The following ZNF438 variants were observed in gnomAD, a reference collection of about 807,000 sequenced individuals.
ZNF438 encodes zinc finger protein 438.
Under a neutral mutation model 38.0 loss-of-function variants are expected in ZNF438, and 25 were observed. The observed-to-expected ratio is 0.66, with a 90% CI of 0.48 to 0.92. ZNF438 has a LOEUF of 0.92. ZNF438 is among the 40% of genes least tolerant of loss of function. The pLI, the probability that ZNF438 is intolerant of heterozygous loss-of-function variation, is 0.00. For missense variants in ZNF438, 1,007 were observed against 999.6 expected, an observed-to-expected ratio of 1.01 and a Z score of -0.10; for synonymous variants, 372 against 364.1, an observed-to-expected ratio of 1.02 and a Z score of -0.25.
chr10:30,953,735 A>C (rs1290395300), intron 1 of ZNF438, among the ~76,000 whole-genome samples: 1 of 152,116 alleles, frequency 6.6e-6, no homozygotes, highest in African/African-American at 2.4e-5. Context: ...GAAGTGACTT[A>C]AGAAGACTGT....
chr10:31,005,354 T>G (rs1287225986), intron 1 of ZNF438, among the ~76,000 whole-genome samples: 1 of 152,162 alleles, frequency 6.6e-6, no homozygotes, highest in Non-Finnish European at 1.5e-5. Flanking sequence ...TGCCATTTGC[T>G]ACCACATGGA....
chr10:30,867,465 T>C (rs1454964484), intron 4 of ZNF438, among the ~76,000 whole-genome samples: 1 of 152,204 alleles, frequency 6.6e-6, no homozygotes, highest in Non-Finnish European at 1.5e-5. Context: ...GACATAAATA[T>C]TTCAATATTT....
intron 1 of ZNF438, among the ~76,000 whole-genome samples, chr10:30,970,927 T>C (rs999958611): frequency 2.6e-5 from 4 of 152,162 alleles, no homozygotes; most frequent in Admixed American, 6.6e-5. Flanking sequence ...TTCCTAAAAG[T>C]TGAGCAAGAA....
intron 1 of ZNF438, among the ~76,000 whole-genome samples, chr10:31,012,090 C>CA (rs1163703656): frequency 1.1e-4 from 16 of 151,812 alleles, no homozygotes; most frequent in Admixed American, 3.3e-4. Flanking sequence ...GGTCACTTCT[C>CA]AGAGTCTCTT....
chr10:30,880,669 T>A (rs762651173), intron 3 of ZNF438, among the ~76,000 whole-genome samples: 1 of 152,046 alleles, frequency 6.6e-6, no homozygotes, highest in African/African-American at 2.4e-5. Context: ...TATCTAGATA[T>A]CAAAACCAGA....
intron 1 of ZNF438, among the ~76,000 whole-genome samples, chr10:31,006,767 T>C (rs1416498109): frequency 6.6e-4 from 3 of 4,560 alleles, no homozygotes; most frequent in Non-Finnish European, 1.2e-3. Flanking sequence ...CTTGGTGTGG[T>C]TGGCGGGGGG....
intron 1 of ZNF438, among the ~76,000 whole-genome samples, chr10:30,975,359 T>TA (rs1378586654): frequency 6.6e-6 from 1 of 152,200 alleles, no homozygotes; most frequent in Non-Finnish European, 1.5e-5. Context: ...AAAACAGTCT[T>TA]AGAGACTCGA....
intron 2 of ZNF438, among the ~76,000 whole-genome samples, chr10:30,924,328 G>A (rs760860106): frequency 7.9e-5 from 12 of 152,150 alleles, no homozygotes; most frequent in African/African-American, 1.4e-4. Context: ...CTCCCTGACC[G>A]ACTAAAACTA....
chr10:30,939,676 G>C (rs1222158726), intron 2 of ZNF438, among the ~76,000 whole-genome samples: 1 of 152,216 alleles, frequency 6.6e-6, no homozygotes, highest in East Asian at 1.9e-4. Flanking sequence ...TGAAAACCAA[G>C]AAGCTTCTGA....
chr10:30,956,918 C>T (rs2048926235), intron 1 of ZNF438, among the ~76,000 whole-genome samples: 1 of 152,092 alleles, frequency 6.6e-6, no homozygotes, highest in South Asian at 2.1e-4. Flanking sequence ...TACAGTGAAA[C>T]TGTTAGATCA....
At chr10:30,953,584 TATGTA>T (rs1257415423) in intron 1 of ZNF438, among the ~76,000 whole-genome samples, 1 of 151,386 alleles carries the variant, frequency 6.6e-6, no homozygotes, top group East Asian at 1.9e-4. Flanking sequence ...CAATTATACA[TATGTA>T]ACTAACCTGC....
At chr10:30,870,477 T>C (rs986824810) in intron 4 of ZNF438, among the ~76,000 whole-genome samples, 3 of 152,200 alleles carry the variant, frequency 2.0e-5, no homozygotes, top group Admixed American at 2.0e-4. Flanking sequence ...TTTTACTGTT[T>C]ACTTACGGTC....
intron 5 of ZNF438, among the ~76,000 whole-genome samples, chr10:30,845,833 C>T (rs1013786192): frequency 3.9e-5 from 6 of 152,140 alleles, no homozygotes; most frequent in Admixed American, 6.5e-5. Context: ...CTGTCCCAGG[C>T]GAGCTAACTC....
chr10:30,967,235 T>C (rs1383457459), intron 1 of ZNF438, among the ~76,000 whole-genome samples: 1 of 152,202 alleles, frequency 6.6e-6, no homozygotes, highest in African/African-American at 2.4e-5. Context: ...AAAATTTATA[T>C]ACTTTAAATT....
intron 4 of ZNF438, among the ~76,000 whole-genome samples, chr10:30,869,355 C>G (rs1443972659): frequency 6.6e-6 from 1 of 150,892 alleles, no homozygotes; most frequent in Non-Finnish European, 1.5e-5. Context: ...GCCTGGACAA[C>G]AAGAGCTAAA....
chr10:30,998,705 T>G (rs2054328979), intron 1 of ZNF438, among the ~76,000 whole-genome samples: 1 of 152,160 alleles, frequency 6.6e-6, no homozygotes, highest in Non-Finnish European at 1.5e-5. Context: ...ACCTTCTGCA[T>G]TCTATTTGAC....
chr10:30,873,102 G>A (rs1427511701), intron 4 of ZNF438, among the ~76,000 whole-genome samples: 1 of 152,086 alleles, frequency 6.6e-6, no homozygotes, highest in Non-Finnish European at 1.5e-5. Flanking sequence ...GCCTTATTAT[G>A]TTGTTTTCAT....
intron 1 of ZNF438, among the ~76,000 whole-genome samples, chr10:30,985,200 C>T (rs1267746382): frequency 6.6e-6 from 1 of 152,100 alleles, no homozygotes; most frequent in Non-Finnish European, 1.5e-5. Context: ...TAGGCAGGAG[C>T]AGGTAGGGAC....
chr10:30,956,549 T>G lies in ZNF438; in HGVS notation c.-191-14898A>C, dbSNP rs182137343. On this transcript the variant is annotated intron_variant, in intron 1 of 5. Transcript: ENST00000413025. The stretch of plus-strand genomic sequence containing the variant: ...GTAGGTTTGCACTTGTTGACCAACC[T>G]CTCTTCATCTCTCCTATCTCTTCCC... Among the ~76,000 whole-genome samples the G allele has an allele frequency of 2.4e-4, 37 of 152,282 alleles. No individual in the cohort carries two copies. In the East Asian group the frequency reaches 6.6e-3, roughly 27 times the overall value.
Sources: allele counts gnomAD v4.1 joint callset (sites outside exome capture counted in the v4.1 genomes callset), GRCh38; gene constraint gnomAD v4.1.1; transcripts MANE v1.5; gene names NCBI Gene and HGNC (gene_info 2026-07-23, HGNC 2026-07-21).